MLN: variants seen among roughly 807,000 people sequenced by gnomAD.
MLN encodes motilin.
MLN carries 14 observed loss-of-function variants against 13.3 expected under a neutral mutation model. The observed-to-expected ratio is 1.05, with a 90% CI of 0.69 to 1.64. The LOEUF is 1.64. MLN is among the 40% of genes most tolerant of loss of function. The probability of loss-of-function intolerance (pLI) is 0.00; values close to 1 mark genes in which losing one functional copy is unlikely to be tolerated. For synonymous variants in MLN, 59 were observed against 54.7 expected (o/e 1.08, Z -0.34); for missense variants, 122 against 142.9 (o/e 0.85, Z 0.75).
At chr6:33,797,130 T>A (rs1378502137) in intron 3 of MLN, among the ~76,000 whole-genome samples, 1 of 152,230 alleles carries the variant, frequency 6.6e-6, no homozygotes, top group East Asian at 1.9e-4. Flanking sequence ...ATCACTGGCC[T>A]GTGTCCAGTG....
In MLN at chr6:33,799,173, T is replaced by C. The variant is rs1767991309; in HGVS notation, c.166A>G (p.Arg56Gly). 2 of 1,613,256 alleles carry C rather than the reference T, an allele frequency of 1.2e-6. No individual in the cohort carries two copies. Among genetic ancestry groups the C allele is most frequent in the Non-Finnish European group, 1.7e-6 (2 of 1,179,388 alleles). Reference sequence around the variant, plus strand: ...TCTACAGGACCTTCCTCCCCAGACCTCTGCCATACACTCAGGGATTTCTTT... The same window carrying C: ...TCTACAGGACCTTCCTCCCCAGACCCCTGCCATACACTCAGGGATTTCTTT... ...GQKKSLSVWQRSGEEGPVDPA... is the reference protein window; with the variant it reads ...GQKKSLSVWQGSGEEGPVDPA... Residue 56 changes from arginine (R) to glycine (G), a missense_variant, in exon 3 of 5, where the codon AGG (arginine) becomes GGG (glycine). Transcript: ENST00000430124. The surrounding 1 kb of genome is among the most constrained non-coding windows in gnomAD (Gnocchi z 4.6).
chr6:33,802,362 A>T lies in MLN; in HGVS notation c.-7-1192T>A, dbSNP rs112859703. 6.5e-3 allele frequency among the ~76,000 whole-genome samples: 996 copies of T among 152,270 alleles called. 7 individuals are homozygous for T. The highest frequency in any genetic ancestry group is 0.02 in the African/African-American group (811 of 41,552). On this transcript the variant is annotated intron_variant, in intron 1 of 4. Transcript: ENST00000430124. Reference sequence around the variant, plus strand: ...GGGGTGGAGGTAGTTACAAGGTTTCAGATAAAGCGCTCCTCCAGTCCCCAG... The same window carrying T: ...GGGGTGGAGGTAGTTACAAGGTTTCTGATAAAGCGCTCCTCCAGTCCCCAG...
rs1369348122 is a variant in MLN, at chr6:33,795,611, A to T, written c.235-6T>A. ...ATTTCCAGAGGAGCAGTCAGCTGTG[A>T]AATAAGGCAGCGTTAACAACGAGGG... is the stretch of plus-strand genomic sequence containing the variant. On this transcript the variant is annotated splice_polypyrimidine_tract_variant and splice_region_variant and intron_variant, in intron 3 of 4. Transcript: ENST00000430124. 1.9e-6 allele frequency: 3 copies of T among 1,553,640 alleles called. No individual in the cohort carries two copies. In the Admixed American group the frequency reaches 5.9e-5, roughly 30 times the overall value.
rs1767875568 is a variant in MLN at position 33,794,981 on chromosome 6, A to G, written c.338-146T>C. Reference sequence around the variant, plus strand: ...GTGGGAAGTTTTGCAAGGAGCCTGCAAGCTGTCTGTAGCCTGGGGCAAGTC... The same window carrying G: ...GTGGGAAGTTTTGCAAGGAGCCTGCGAGCTGTCTGTAGCCTGGGGCAAGTC... On this transcript the variant is annotated intron_variant, in intron 4 of 4. Coordinates refer to ENST00000430124, the MANE Select transcript of MLN (RefSeq NM_002418.3). The G allele has an allele frequency of 7.4e-6, 7 of 942,310 alleles. 1 individual carries two copies. The allele number at this position is 942,310 out of a possible 1,614,324, so 58.4% of individuals were successfully genotyped here. A position where few individuals can be genotyped will look rare whatever the true frequency, so the allele number is the denominator to read the frequency against.
intron 4 of MLN, 23 bp from the exon 5 acceptor site, chr6:33,794,858 G>T: frequency 6.2e-7 from 1 of 1,613,414 alleles, no homozygotes. Flanking sequence ...AGAGGTTTGC[G>T]CTCAGTACCA....
intron 1 of MLN, 24 bp from the exon 2 acceptor site, chr6:33,801,194 G>A (rs1230900541): frequency 1.3e-6 from 2 of 1,581,608 alleles, no homozygotes; most frequent in South Asian, 2.2e-5. Context: ...AGGAGCTCTT[G>A]TCACTAAGTT....
rs1768040517 is a variant in MLN at position 33,801,182 on chromosome 6, C to T, written c.-7-12G>A. 2 of 1,598,778 alleles carry T rather than the reference C, an allele frequency of 1.3e-6. No homozygotes were observed. The highest frequency in any genetic ancestry group is 8.6e-7 in the Non-Finnish European group (1 of 1,166,306). On this transcript the variant is annotated splice_polypyrimidine_tract_variant and intron_variant, in intron 1 of 4. Coordinates refer to ENST00000430124, the MANE Select transcript of MLN (RefSeq NM_002418.3). ...ATACCATCTTGGAGCTGGACAATGA[C>T]AAGGAGCTCTTGTCACTAAGTTTGG...
chr6:33,796,830 T>G (rs1265221560), intron 3 of MLN, among the ~76,000 whole-genome samples: 1 of 152,142 alleles, frequency 6.6e-6, no homozygotes, highest in Non-Finnish European at 1.5e-5. Context: ...TTGTAGGAGA[T>G]GGAAAGAGGT....
intron 3 of MLN, 66 bp from the exon 4 acceptor site, chr6:33,795,671 T>A: frequency 7.3e-7 from 1 of 1,370,186 alleles, no homozygotes; most frequent in Non-Finnish European, 1.0e-6. Context: ...CTGGGTGCAC[T>A]ACAGGTGGCA....
rs1319645852 is a variant in MLN at position 33,799,536 on chromosome 6, C to T, written c.118-315G>A. Among the ~76,000 whole-genome samples, 1 of 152,132 alleles carries T rather than the reference C, an allele frequency of 6.6e-6. No homozygotes were observed. Among genetic ancestry groups the T allele is most frequent in the Non-Finnish European group, 1.5e-5 (1 of 68,032 alleles). On this transcript the variant is annotated intron_variant, in intron 2 of 4. Transcript: ENST00000430124. The surrounding 1 kb of genome is among the most constrained non-coding windows in gnomAD (Gnocchi z 4.6). ...TTAAAAAGCTGAAAATAATGCCTGCCCTTCATGCATATTAAGTGTGAAAAT... is the reference window on the plus strand; with the variant it reads ...TTAAAAAGCTGAAAATAATGCCTGCTCTTCATGCATATTAAGTGTGAAAAT...
At position 33,799,967 on chromosome 6, in the gene MLN, A is replaced by G. The variant is rs1459476997; in HGVS notation, c.118-746T>C. ...CCTGAGACGTGGTGATTCTAGAACA[A>G]ACAGTCATCCTGTGGGGAGTGTGCT... On this transcript the variant is annotated intron_variant, in intron 2 of 4. Coordinates refer to ENST00000430124, the MANE Select transcript of MLN (RefSeq NM_002418.3). The surrounding 1 kb of genome is among the most constrained non-coding windows in gnomAD (Gnocchi z 4.6). 6.6e-6 allele frequency among the ~76,000 whole-genome samples: 1 copy of G among 152,140 alleles called. No homozygotes were observed. The highest frequency in any genetic ancestry group is 1.5e-5 in the Non-Finnish European group (1 of 68,020).
At chr6:33,797,060 G>T (rs1767942677) in intron 3 of MLN, among the ~76,000 whole-genome samples, 1 of 152,234 alleles carries the variant, frequency 6.6e-6, no homozygotes, top group Non-Finnish European at 1.5e-5. Context: ...CCACCTCGCT[G>T]AGTGCAGAGT....
At chr6:33,800,442 C>G (rs1400586003) in intron 2 of MLN, among the ~76,000 whole-genome samples, 2 of 152,224 alleles carry the variant, frequency 1.3e-5, no homozygotes, top group Non-Finnish European at 2.9e-5. Context: ...TTGGCCACTG[C>G]TACATGGACC....
chr6:33,801,132 A>G lies in MLN; in HGVS notation c.32T>C (p.Leu11Pro), dbSNP rs1204429257. 2 of 1,614,002 alleles carry G rather than the reference A, an allele frequency of 1.2e-6. No homozygotes were observed. Among genetic ancestry groups the G allele is most frequent in the South Asian group, 2.2e-5 (2 of 91,080 alleles). ...CAGCATGGCAGCTACATGCACCACC[A>G]GCAGAGCAGCCACAGCCTTACGGGA... Reference protein sequence around the residue: MVSRKAVAALLVVHVAAMLAS... With the variant: MVSRKAVAALPVVHVAAMLAS... The change falls in exon 2 of 5, where the codon CTG becomes CCG. Residue 11 changes from leucine to proline, a missense_variant. Physicochemically the swap from Leu to Pro is moderately conservative, Grantham distance 98. Coordinates refer to ENST00000430124, the MANE Select transcript of MLN (RefSeq NM_002418.3).
Position 33,801,164 on chromosome 6 carries a change from C to T in MLN, c.-1G>A, listed in dbSNP as rs1464946689. On this transcript the variant is annotated 5_prime_UTR_variant, in exon 2 of 5. Coordinates refer to ENST00000430124, the MANE Select transcript of MLN (RefSeq NM_002418.3). ...CAGCCACAGCCTTACGGGATACCAT[C>T]TTGGAGCTGGACAATGACAAGGAGC... 1 of 1,611,642 alleles carries T rather than the reference C, an allele frequency of 6.2e-7. No individual in the cohort carries two copies.
chr6:33,795,744 G>C (rs914632628), intron 3 of MLN, 139 bp from the exon 4 acceptor site: 5 of 675,316 alleles, frequency 7.4e-6, no homozygotes, highest in Non-Finnish European at 1.3e-5. Flanking sequence ...GGATGGCTGG[G>C]AATTCTGCCA....
At chr6:33,798,187 C>T (rs1323556492) in intron 3 of MLN, among the ~76,000 whole-genome samples, 1 of 152,158 alleles carries the variant, frequency 6.6e-6, no homozygotes, top group Non-Finnish European at 1.5e-5. Context: ...TTGCCTGCCA[C>T]ACTGCTGAGT....
At chr6:33,796,022 C>T (rs955892269) in intron 3 of MLN, among the ~76,000 whole-genome samples, 3 of 147,838 alleles carry the variant, frequency 2.0e-5, no homozygotes, top group South Asian at 4.3e-4. Context: ...TGCAGTGGCG[C>T]GATCTCGGCT....
intron 4 of MLN, 31 bp downstream of exon 4, chr6:33,795,472 C>A (rs976650407): frequency 6.5e-7 from 1 of 1,537,986 alleles, no homozygotes; most frequent in Non-Finnish European, 8.8e-7. Context: ...GGAGGCCGGC[C>A]AAGCCACAGA....
Sources: gnomAD v4.1 joint callset for allele counts (sites outside exome capture counted in the v4.1 genomes callset) on GRCh38, gnomAD v4.1.1 for gene constraint, Gnocchi (gnomAD v3.1) non-coding constraint, MANE v1.5 for transcripts, NCBI Gene and HGNC (gene_info 2026-07-23, HGNC 2026-07-21) for gene names.